Variants in CDH4 observed in about 807,000 individuals in gnomAD.
The protein encoded by CDH4 is cadherin-4.
A neutral mutation model predicts 86.0 loss-of-function variants in CDH4; 33 were observed. That is an observed-to-expected ratio of 0.38 (90% CI 0.29 to 0.51). The LOEUF is 0.51. CDH4 is among the 20% of genes least tolerant of loss of function. CDH4 has a pLI of 0.86. For missense variants in CDH4, 1,114 were observed against 1,307.4 expected (o/e 0.85, Z 2.28); for synonymous variants, 555 against 549.4 (o/e 1.01, Z -0.14).
intron 2 of CDH4, chr20:61,369,891 C>G (rs1338612404): frequency 6.6e-5 from 10 of 152,492 alleles, no homozygotes; most frequent in African/African-American, 2.4e-4. Context: ...GAAGCGCCCC[C>G]AGTGGGGAGG....
chr20:61,358,166 C>T (rs1044153626), intron 2 of CDH4, among the ~76,000 whole-genome samples: 6 of 152,172 alleles, frequency 3.9e-5, no homozygotes, highest in South Asian at 2.1e-4. Context: ...ACCCCCGGGA[C>T]GTGCTTCCTG....
intron 2 of CDH4, among the ~76,000 whole-genome samples, chr20:61,507,275 G>A (rs2085747614): frequency 6.6e-6 from 1 of 152,156 alleles, no homozygotes; most frequent in Non-Finnish European, 1.5e-5. Context: ...GTAGAACAAG[G>A]CGCAGCCATC....
intron 2 of CDH4, among the ~76,000 whole-genome samples, chr20:61,423,764 G>A (rs751167365): frequency 6.6e-6 from 1 of 152,030 alleles, no homozygotes; most frequent in African/African-American, 2.4e-5. Flanking sequence ...AATGAAAGGC[G>A]TCTTGCCTCT....
chr20:61,889,334 ATGGATGGG>A (rs1252352131), intron 7 of CDH4, among the ~76,000 whole-genome samples: 107 of 144,612 alleles, frequency 7.4e-4, no homozygotes, highest in African/African-American at 2.6e-3. Context: ...GGATGGATGG[ATGGATGGG>A]TGAGTGGATG....
chr20:61,290,712 T>A (rs1295178164), intron 2 of CDH4, among the ~76,000 whole-genome samples: 1 of 152,184 alleles, frequency 6.6e-6, no homozygotes, highest in Non-Finnish European at 1.5e-5. Context: ...TCTGTGTCAC[T>A]GGAGAGAAGA....
intron 13 of CDH4, among the ~76,000 whole-genome samples, chr20:61,931,724 G>A (rs2055112826): frequency 1.3e-5 from 2 of 152,184 alleles, no homozygotes; most frequent in Admixed American, 1.3e-4. Context: ...TCCTGCAGCA[G>A]AGGCAGCCAG....
At chr20:61,467,839 C>T (rs60267397) in intron 2 of CDH4, among the ~76,000 whole-genome samples, 6,224 of 152,130 alleles carry the variant, frequency 0.041, 433 homozygotes, top group African/African-American at 0.14. Context: ...CCCTTGGATT[C>T]GATAATTCTC....
intron 2 of CDH4, among the ~76,000 whole-genome samples, chr20:61,416,763 T>A (rs2085149339): frequency 6.6e-6 from 1 of 152,226 alleles, no homozygotes; most frequent in East Asian, 1.9e-4. Flanking sequence ...AGCATGGCGC[T>A]GGGCGAGTCT....
chr20:61,547,739 C>T (rs1482310637), intron 2 of CDH4, among the ~76,000 whole-genome samples: 1 of 152,236 alleles, frequency 6.6e-6, no homozygotes, highest in Non-Finnish European at 1.5e-5. Context: ...CCTGAGGCTG[C>T]CTTTCTGGGA....
At chr20:61,294,907 A>T in intron 2 of CDH4, among the ~76,000 whole-genome samples, 1 of 152,170 alleles carries the variant, frequency 6.6e-6, no homozygotes, top group East Asian at 1.9e-4. Context: ...TCACCCACTG[A>T]TCCCAAACCC....
chr20:61,275,102 G>A (rs1265957812), intron 2 of CDH4, among the ~76,000 whole-genome samples: 1 of 135,430 alleles, frequency 7.4e-6, no homozygotes, highest in East Asian at 2.4e-4. Flanking sequence ...GGAGTACTGG[G>A]GGAGTACTGT....
chr20:61,817,360 T>C (rs1361461175), intron 4 of CDH4, among the ~76,000 whole-genome samples: 1 of 152,146 alleles, frequency 6.6e-6, no homozygotes, highest in African/African-American at 2.4e-5. Context: ...CTGGTTGCTC[T>C]CTGGGCTTAG....
chr20:61,747,398 A>C (rs2088427979), intron 3 of CDH4, among the ~76,000 whole-genome samples: 1 of 144,354 alleles, frequency 6.9e-6, no homozygotes, highest in Non-Finnish European at 1.5e-5. Context: ...CAGTGAGCCG[A>C]GTGAGCCACC....
intron 8 of CDH4, among the ~76,000 whole-genome samples, chr20:61,907,810 G>A (rs1442271328): frequency 6.6e-6 from 1 of 152,188 alleles, no homozygotes; most frequent in Non-Finnish European, 1.5e-5. Flanking sequence ...GGAGTGGTGG[G>A]GGCGGTAGCT....
intron 3 of CDH4, among the ~76,000 whole-genome samples, chr20:61,767,123 A>AGGGCCC (rs1485722945): frequency 6.6e-6 from 1 of 152,200 alleles, no homozygotes; most frequent in East Asian, 1.9e-4. Flanking sequence ...TCACTTGGGC[A>AGGGCCC]GGGCCCGGGC....
At chr20:61,842,990 C>A (rs1568844858) in intron 4 of CDH4, among the ~76,000 whole-genome samples, 2 of 152,124 alleles carry the variant, frequency 1.3e-5, no homozygotes, top group Non-Finnish European at 2.9e-5. Flanking sequence ...CCTGTTGACC[C>A]AATGGTTATT....
intron 2 of CDH4, among the ~76,000 whole-genome samples, chr20:61,273,437 G>C (rs1191015863): frequency 2.4e-5 from 1 of 41,488 alleles, no homozygotes; most frequent in Non-Finnish European, 4.5e-5. Context: ...TTTGGGGGAG[G>C]ACCATGTGCA....
At chr20:61,768,275 ATGTGCATT>A (rs963773066) in intron 3 of CDH4, among the ~76,000 whole-genome samples, 16 of 152,334 alleles carry the variant, frequency 1.1e-4, no homozygotes, top group African/African-American at 3.6e-4. Flanking sequence ...GTATTCATAC[ATGTGCATT>A]TGTGCATGTG....
At chr20:61,668,420 G>A (rs1600857040) in intron 2 of CDH4, among the ~76,000 whole-genome samples, 2 of 152,328 alleles carry the variant, frequency 1.3e-5, no homozygotes, top group East Asian at 3.9e-4. Context: ...GAGAACACAC[G>A]GTGAATCCAG....
Sources: gnomAD v4.1 joint callset for allele counts (sites outside exome capture counted in the v4.1 genomes callset) on GRCh38, gnomAD v4.1.1 for gene constraint, MANE v1.5 for transcripts, NCBI Gene and HGNC (gene_info 2026-07-23, HGNC 2026-07-21) for gene names.